HSPH1: variants seen among roughly 807,000 people sequenced by gnomAD.
The protein encoded by HSPH1 is heat shock protein family H (Hsp110) member 1, also known as heat shock protein 105 kDa.
HSPH1 carries 40 observed loss-of-function variants against 100.0 expected under a neutral mutation model. The ratio of observed to expected loss-of-function variants is 0.40; its 90% confidence interval spans 0.31 to 0.52. The LOEUF is 0.52. Ranked by LOEUF, HSPH1 falls within the 20% of genes least tolerant of loss-of-function variation. HSPH1 has a pLI of 0.54. For missense variants in HSPH1, 876 were observed against 1,015.1 expected, an observed-to-expected ratio of 0.86 and a Z score of 1.86; for synonymous variants, 403 against 344.0, an observed-to-expected ratio of 1.17 and a Z score of -1.90.
intron 12 of HSPH1, among the ~76,000 whole-genome samples, chr13:31,141,797 TACATACACACACAC>T (rs1411983005): frequency 1.6e-5 from 2 of 124,246 alleles, no homozygotes; most frequent in South Asian, 2.4e-4. Context: ...TCCATACACA[TACATACACACACAC>T]ACACACACAC....
At chr13:31,137,607 C>T (rs1229872319) in intron 17 of HSPH1, 83 bp from the exon 18 acceptor site, 1 of 943,176 alleles carries the variant, frequency 1.1e-6, no homozygotes, top group Non-Finnish European at 1.6e-6. Flanking sequence ...ACTCAACCCA[C>T]TATTTTTCTA....
intron 4 of HSPH1, chr13:31,154,202 T>C (rs1042257346): frequency 4.6e-6 from 1 of 217,982 alleles, no homozygotes; most frequent in African/African-American, 2.3e-5. Context: ...CCACTGAAGG[T>C]AACAGGCTTG....
rs765663067 is a variant in HSPH1 at position 31,137,567 on chromosome 13, T to TC, written c.2371-44dup. On this transcript the variant is annotated intron_variant, in intron 17 of 17. Coordinates refer to ENST00000320027, the MANE Select transcript of HSPH1 (RefSeq NM_006644.4). ...TAGTTATCAGATTAACTCAGATCCA[T>TC]CCAGTTCATTTTCAACTGCTTCTCC... The TC allele has an allele frequency of 9.6e-6, 14 of 1,456,738 alleles. No homozygotes were observed. The East Asian group carries it at 3.2e-4, about 33-fold the overall frequency. 90.2% of individuals were successfully genotyped at this position (1,456,738 alleles called of 1,614,324 possible).
Position 31,151,164 on chromosome 13 carries a change from A to G in HSPH1, c.691T>C (p.Leu231=), listed in dbSNP as rs143725656. 1.4e-5 allele frequency: 23 copies of G among 1,612,474 alleles called. No individual in the cohort carries two copies. The highest frequency in any genetic ancestry group is 1.8e-5 in the Non-Finnish European group (21 of 1,179,096). Reference sequence around the variant, plus strand: ...TTTTCATCGAAGTTTTTTCCTCCTAAGAAAGGATCAAAAGCTGTTCCCAGT... The same window carrying G: ...TTTTCATCGAAGTTTTTTCCTCCTAGGAAAGGATCAAAAGCTGTTCCCAGT... The part of the protein sequence containing the change: ...KVLGTAFDPF[L]GGKNFDEKLV... The change falls in exon 7 of 18, where the codon TTA becomes CTA. Residue 231 remains leucine, a synonymous_variant. Coordinates refer to ENST00000320027, the MANE Select transcript of HSPH1 (RefSeq NM_006644.4).
Position 31,137,131 on chromosome 13 carries a change from A to C in HSPH1, c.*187T>G, listed in dbSNP as rs776974433. On this transcript the variant is annotated 3_prime_UTR_variant, in exon 18 of 18. Coordinates refer to ENST00000320027, the MANE Select transcript of HSPH1 (RefSeq NM_006644.4). ...TTCCACAGGAATCTGAAAGTTACCA[A>C]GGCAATTTTCCCTTTTAGGATCATA... 2.7e-6 allele frequency: 2 copies of C among 742,208 alleles called. No homozygotes were observed. Among genetic ancestry groups the C allele is most frequent in the South Asian group, 2.8e-5 (2 of 71,016 alleles). 46.0% of individuals were successfully genotyped at this position (742,208 alleles called of 1,614,324 possible). A position where few individuals can be genotyped will look rare whatever the true frequency, so the allele number is the denominator to read the frequency against.
chr13:31,148,463 CG>C lies in HSPH1; in HGVS notation c.1154del (p.Pro385ArgfsTer20). ...GCALQCAILS[P>X]AFKVREFSVT... ...CGGAAAATTCTCTAACTTTAAATGC[CG>C]GGGAAAGTATTGCACACTTAAAAAA... On this transcript the variant is annotated frameshift_variant, in exon 9 of 18. Transcript: ENST00000320027. LOFTEE classifies it high-confidence loss of function. 4 of 1,525,516 alleles carry C rather than the reference CG, an allele frequency of 2.6e-6. No individual in the cohort carries two copies. The highest frequency in any genetic ancestry group is 2.4e-5 in the East Asian group (1 of 41,206). The allele number at this position is 1,525,516 out of a possible 1,614,324, so 94.5% of individuals were successfully genotyped here. A position where few individuals can be genotyped will look rare whatever the true frequency, so the allele number is the denominator to read the frequency against.
chr13:31,161,123 G>A (rs1044159896), intron 1 of HSPH1, among the ~76,000 whole-genome samples: 1 of 152,226 alleles, frequency 6.6e-6, no homozygotes, highest in Non-Finnish European at 1.5e-5. Context: ...GGCGCAGGCT[G>A]CAGCCTGCCA....
At chr13:31,161,155 G>A (rs1195732736) in intron 1 of HSPH1, among the ~76,000 whole-genome samples, 1 of 152,210 alleles carries the variant, frequency 6.6e-6, no homozygotes, top group Admixed American at 6.5e-5. Context: ...CGAAGTTGCG[G>A]GCTTTGCCGC....
rs1955882731 is a variant in HSPH1, at chr13:31,136,344, C to T, written c.*974G>A. 6.6e-6 allele frequency: 1 copy of T among 152,036 alleles called. No individual in the cohort carries two copies. Among genetic ancestry groups the T allele is most frequent in the Admixed American group, 6.6e-5 (1 of 15,260 alleles). The allele number at this position is 152,036 out of a possible 1,614,324, so 9.4% of individuals were successfully genotyped here. ...AACATAGACACTCACACAAATATAC[C>T]CCCATCATTAGGGGTAAAAGGCTCC... is the stretch of plus-strand genomic sequence containing the variant. On this transcript the variant is annotated 3_prime_UTR_variant, in exon 18 of 18. Coordinates refer to ENST00000320027, the MANE Select transcript of HSPH1 (RefSeq NM_006644.4).
chr13:31,159,838 C>T (rs1196074888), intron 1 of HSPH1, among the ~76,000 whole-genome samples: 1 of 152,048 alleles, frequency 6.6e-6, no homozygotes, highest in African/African-American at 2.4e-5. Flanking sequence ...AATAAAATAG[C>T]ATCCTAAAAG....
chr13:31,151,240 G>GT (rs1388485045), intron 6 of HSPH1, 49 bp from the exon 7 acceptor site: 1 of 1,435,976 alleles, frequency 7.0e-7, no homozygotes, highest in African/African-American at 1.4e-5. Flanking sequence ...AATCACATTT[G>GT]TAACTAGAAT....
intron 12 of HSPH1, among the ~76,000 whole-genome samples, 180 bp from the exon 13 acceptor site, chr13:31,141,439 A>G (rs1956086248): frequency 6.6e-6 from 1 of 152,074 alleles, no homozygotes; most frequent in South Asian, 2.1e-4. Context: ...CTGCTATTAA[A>G]TATGCCATAC....
rs776103384 is a variant in HSPH1 at position 31,152,824 on chromosome 13, C to G, written c.529+28G>C. ...ACATCTTTAGTTCTGATAGTATATT[C>G]ACTTCCACACAAATGCCTTTTCCTT... is the stretch of plus-strand genomic sequence containing the variant. On this transcript the variant is annotated intron_variant, in intron 5 of 17. Transcript: ENST00000320027. The G allele has an allele frequency of 3.6e-6, 5 of 1,396,128 alleles. No homozygotes were observed. In the African/African-American group the frequency reaches 4.3e-5, roughly 12 times the overall value. The allele number at this position is 1,396,128 out of a possible 1,614,324, so 86.5% of individuals were successfully genotyped here.
chr13:31,141,397 G>A (rs1956084762), intron 12 of HSPH1, 138 bp from the exon 13 acceptor site: 1 of 659,030 alleles, frequency 1.5e-6, no homozygotes, highest in Non-Finnish European at 2.5e-6. Flanking sequence ...GGATCTACAG[G>A]ATCACCTAAT....
At chr13:31,151,521 G>C (rs1433431896) in intron 6 of HSPH1, 88 bp downstream of exon 6, 10 of 1,255,282 alleles carry the variant, frequency 8.0e-6, no homozygotes, top group African/African-American at 1.5e-5. Context: ...TCATTACCAA[G>C]AAGAAAAAGC....
chr13:31,153,184 T>C (rs1442694391), intron 4 of HSPH1, among the ~76,000 whole-genome samples: 1 of 152,108 alleles, frequency 6.6e-6, no homozygotes, highest in Non-Finnish European at 1.5e-5. Context: ...TATAACCAAG[T>C]TCAAGCTGAA....
At chr13:31,151,524 G>A in intron 6 of HSPH1, 85 bp downstream of exon 6, 2 of 1,287,322 alleles carry the variant, frequency 1.6e-6, no homozygotes, top group Non-Finnish European at 2.1e-6. Context: ...TTACCAAGAA[G>A]AAAAAGCCTA....
rs1266834330 is a variant in HSPH1, at chr13:31,151,587, G to A, written c.663+22C>T. The stretch of plus-strand genomic sequence containing the variant: ...CAACACTTAACGTGTTTTGGACACT[G>A]AGTTCCAATGTATGACTTTACCTTC... On this transcript the variant is annotated intron_variant, in intron 6 of 17. Coordinates refer to ENST00000320027, the MANE Select transcript of HSPH1 (RefSeq NM_006644.4). 2.5e-6 allele frequency: 4 copies of A among 1,599,144 alleles called. No homozygotes were observed. In the African/African-American group the frequency reaches 4.1e-5, roughly 16 times the overall value.
At chr13:31,142,000 C>T (rs1364561565) in intron 12 of HSPH1, among the ~76,000 whole-genome samples, 1 of 151,960 alleles carries the variant, frequency 6.6e-6, no homozygotes, top group Non-Finnish European at 1.5e-5. Flanking sequence ...CTCCTGTGGC[C>T]TTCAATTTTC....
Sources: gnomAD v4.1 joint callset for allele counts (sites outside exome capture counted in the v4.1 genomes callset) on GRCh38, gnomAD v4.1.1 for gene constraint, MANE v1.5 for transcripts, NCBI Gene and HGNC (gene_info 2026-07-23, HGNC 2026-07-21) for gene names.